SULT1E1: variants seen among roughly 807,000 people sequenced by gnomAD.
SULT1E1 encodes the protein sulfotransferase family 1E member 1.
SULT1E1 carries 36 observed loss-of-function variants against 33.6 expected under a neutral mutation model. The observed-to-expected ratio is 1.07, with a 90% CI of 0.82 to 1.41. SULT1E1 has a LOEUF of 1.41. SULT1E1 is among the 40% of genes most tolerant of loss of function. The pLI is 0.00. For missense variants in SULT1E1, 371 were observed against 345.7 expected (o/e 1.07, Z -0.58); for synonymous variants, 121 against 111.7 (o/e 1.08, Z -0.53).
At chr4:69,857,842 G>T (rs1721278195) in intron 1 of SULT1E1, among the ~76,000 whole-genome samples, 189 bp from the exon 2 acceptor site, 2 of 152,090 alleles carry the variant, frequency 1.3e-5, no homozygotes, top group South Asian at 4.1e-4. Flanking sequence ...TTATTAGAAA[G>T]ATGTCTAACA....
At chr4:69,832,245 C>T in the SULT1E1 span, among the ~76,000 whole-genome samples, 6 of 152,174 alleles carry the variant, frequency 3.9e-5, no homozygotes, top group Non-Finnish European at 1.5e-5. Context: ...GAGCCGATCT[C>T]CCCTTCAGGT....
At chr4:69,853,189 C>T (rs1721161876) in intron 4 of SULT1E1, among the ~76,000 whole-genome samples, 1 of 152,030 alleles carries the variant, frequency 6.6e-6, no homozygotes, top group Admixed American at 6.6e-5. Context: ...ACTATAAGAT[C>T]TTGAAGAACA....
chr4:69,836,910 G>A (rs193178800), downstream of SULT1E1, among the ~76,000 whole-genome samples: 1 of 152,152 alleles, frequency 6.6e-6, no homozygotes, highest in Admixed American at 6.5e-5. Context: ...TTTCTATTTT[G>A]TAAAATAACA....
chr4:69,824,758 C>T, the SULT1E1 span, among the ~76,000 whole-genome samples: 1 of 151,946 alleles, frequency 6.6e-6, no homozygotes, highest in African/African-American at 2.4e-5. Flanking sequence ...TAAAATGGAC[C>T]AATCAGCACT....
chr4:69,821,596 A>G, the SULT1E1 span, among the ~76,000 whole-genome samples: 1 of 152,162 alleles, frequency 6.6e-6, no homozygotes, highest in East Asian at 1.9e-4. Flanking sequence ...ATCCATGGCC[A>G]TCATATCTAG....
At chr4:69,842,582 C>T (rs2110064907) in intron 7 of SULT1E1, among the ~76,000 whole-genome samples, 1 of 152,230 alleles carries the variant, frequency 6.6e-6, no homozygotes, top group East Asian at 1.9e-4. Context: ...GTGTTTTCTC[C>T]ATTTACATTT....
In SULT1E1 at chr4:69,849,542, C is replaced by T; in HGVS notation, c.391G>A (p.Ala131Thr). ...DCKIIYLCRN[A>T]KDVAVSFYYF... The stretch of plus-strand genomic sequence containing the variant: ...TAAAAGGAAACAGCCACATCCTTTG[C>T]ATTCCGGCAAAGATAGATTATCTAA... Residue 131 changes from alanine (A) to threonine (T), a missense_variant, in exon 5 of 8, where the codon GCA (alanine) becomes ACA (threonine). Physicochemically the swap from Ala to Thr is moderately conservative, Grantham distance 58 (BLOSUM62 0). Coordinates refer to ENST00000226444, the MANE Select transcript of SULT1E1 (RefSeq NM_005420.3). 1.2e-6 allele frequency: 2 copies of T among 1,607,010 alleles called. No homozygotes were observed. Among genetic ancestry groups the T allele is most frequent in the Non-Finnish European group, 1.7e-6 (2 of 1,176,700 alleles).
At chr4:69,826,877 C>T in the SULT1E1 span, among the ~76,000 whole-genome samples, 1 of 152,114 alleles carries the variant, frequency 6.6e-6, no homozygotes, top group Admixed American at 6.5e-5. Context: ...CACAGGAGGA[C>T]CTCTCAGCTT....
Position 69,847,776 on chromosome 4 carries a change from C to T in SULT1E1, c.513G>A (p.Trp171Ter). 5 of 1,607,580 alleles carry T rather than the reference C, an allele frequency of 3.1e-6. No individual in the cohort carries two copies. Among genetic ancestry groups the T allele is most frequent in the Non-Finnish European group, 4.3e-6 (5 of 1,175,704 alleles). ...CCCACCAAGATTTTACATGTTTATA[C>T]CAGGAACCATAAGGAACTAAAATTA... ...FMQGQVPYGS[W>*]YKHVKSWWEK... is the part of the protein sequence containing the mutation. The change falls in exon 6 of 8, where the codon TGG becomes TGA. Residue 171 changes from tryptophan (W) to a stop codon, truncating the protein, a stop_gained. Transcript: ENST00000226444. LOFTEE classifies it high-confidence loss of function.
At chr4:69,847,280 A>G (rs1013732689) in intron 6 of SULT1E1, among the ~76,000 whole-genome samples, 2 of 151,190 alleles carry the variant, frequency 1.3e-5, no homozygotes, top group African/African-American at 4.8e-5. Context: ...TTAAAATTTC[A>G]TCTTTTATTT....
intron 4 of SULT1E1, among the ~76,000 whole-genome samples, chr4:69,850,862 T>G (rs1721086377): frequency 6.6e-6 from 1 of 152,130 alleles, no homozygotes; most frequent in African/African-American, 2.4e-5. Context: ...TTTATATTCT[T>G]TATTTTGGCA....
At chr4:69,840,283 A>G (rs567857528), downstream of SULT1E1, among the ~76,000 whole-genome samples, 6 of 152,250 alleles carry the variant, frequency 3.9e-5, no homozygotes, top group East Asian at 1.2e-3. Flanking sequence ...CTTTTCTCCA[A>G]AAAGTAAGAA....
At position 69,844,127 on chromosome 4, in the gene SULT1E1, C is replaced by T. The variant is rs777944213; in HGVS notation, c.772+34G>A. The stretch of plus-strand genomic sequence containing the variant: ...CTATAACCATGTCACCTTGTGACTT[C>T]CTCTAGTATCGAGGCAAACCACATT... On this transcript the variant is annotated intron_variant, in intron 7 of 7. Transcript: ENST00000226444. 3 of 1,606,334 alleles carry T rather than the reference C, an allele frequency of 1.9e-6. No homozygotes were observed. The African/African-American group carries it at 4.0e-5, about 21-fold the overall frequency.
downstream of SULT1E1, chr4:69,838,662 C>A (rs146253405): frequency 7.2e-5 from 11 of 152,276 alleles, no homozygotes; most frequent in East Asian, 2.1e-3. Flanking sequence ...TAAGGAGTTT[C>A]AGAGGCCTAG....
the SULT1E1 span, among the ~76,000 whole-genome samples, chr4:69,833,151 C>G: frequency 6.6e-6 from 1 of 152,026 alleles, no homozygotes; most frequent in African/African-American, 2.4e-5. Flanking sequence ...TTATATGGAA[C>G]CCTAGGCATG....
At chr4:69,850,772 G>C (rs953911467) in intron 4 of SULT1E1, among the ~76,000 whole-genome samples, 4 of 151,928 alleles carry the variant, frequency 2.6e-5, no homozygotes, top group African/African-American at 7.2e-5. Flanking sequence ...TTTATAGCTT[G>C]CCTTCTGGTC....
At chr4:69,843,746 T>C (rs1294203779) in intron 7 of SULT1E1, among the ~76,000 whole-genome samples, 2 of 152,212 alleles carry the variant, frequency 1.3e-5, no homozygotes, top group Non-Finnish European at 1.5e-5. Context: ...TTGCCACTTG[T>C]TAAAAAATGT....
chr4:69,827,765 G>A, the SULT1E1 span, among the ~76,000 whole-genome samples: 22 of 151,888 alleles, frequency 1.4e-4, no homozygotes, highest in African/African-American at 3.4e-4. Flanking sequence ...GAGAAAGGCC[G>A]CAGCCTTAGT....
rs2110064523 is a variant in SULT1E1, at chr4:69,841,849, A to T, written c.*145T>A. On this transcript the variant is annotated 3_prime_UTR_variant, in exon 8 of 8. Coordinates refer to ENST00000226444, the MANE Select transcript of SULT1E1 (RefSeq NM_005420.3). Reference sequence around the variant, plus strand: ...GAGTGAGACTCTGTCTCAAAAAAAAAAAAAAAAAGTTAAACAAAAATTTAA... The same window carrying T: ...GAGTGAGACTCTGTCTCAAAAAAAATAAAAAAAAGTTAAACAAAAATTTAA... 1 of 531,840 alleles carries T rather than the reference A, an allele frequency of 1.9e-6. No individual in the cohort carries two copies. Among genetic ancestry groups the T allele is most frequent in the African/African-American group, 2.0e-5 (1 of 50,546 alleles). 32.9% of individuals were successfully genotyped at this position (531,840 alleles called of 1,614,324 possible).
Sources: gnomAD v4.1 joint callset for allele counts (sites outside exome capture counted in the v4.1 genomes callset) on GRCh38, gnomAD v4.1.1 for gene constraint, MANE v1.5 for transcripts, NCBI Gene and HGNC (gene_info 2026-07-23, HGNC 2026-07-21) for gene names.